Variants in LRP1B observed in about 807,000 individuals in gnomAD.
LRP1B encodes the protein LDL receptor related protein 1B.
Under a neutral mutation model 556.6 loss-of-function variants are expected in LRP1B, and 217 were observed. The ratio of observed to expected loss-of-function variants is 0.39; its 90% CI spans 0.35 to 0.44. The LOEUF (loss-of-function observed/expected upper bound fraction) is 0.44, where lower values mean the gene tolerates loss of function less well. LRP1B is among the 20% of genes least tolerant of loss of function. The pLI is 1.00. For missense variants in LRP1B, 5,053 were observed against 5,620.8 expected (o/e 0.90, Z 3.23); for synonymous variants, 2,047 against 1,865.8 (o/e 1.10, Z -2.50).
intron 41 of LRP1B, among the ~76,000 whole-genome samples, chr2:140,670,745 G>T (rs551378101): frequency 1.3e-5 from 2 of 152,154 alleles, no homozygotes; most frequent in Non-Finnish European, 2.9e-5. Context: ...CTAGAATAAT[G>T]TTGAAGAAAT....
At chr2:142,025,402 G>A (rs1207482263) in intron 1 of LRP1B, among the ~76,000 whole-genome samples, 7 of 152,148 alleles carry the variant, frequency 4.6e-5, no homozygotes, top group African/African-American at 1.7e-4. Context: ...TACTCAGTGA[G>A]GGAAGCACTT....
chr2:141,260,441 A>G (rs1414148014), intron 3 of LRP1B, among the ~76,000 whole-genome samples: 1 of 152,338 alleles, frequency 6.6e-6, no homozygotes, highest in Non-Finnish European at 1.5e-5. Flanking sequence ...ATGTAAATAA[A>G]TCATGCTGAC....
chr2:140,959,893 T>G (rs1695982483), intron 18 of LRP1B, among the ~76,000 whole-genome samples: 1 of 151,870 alleles, frequency 6.6e-6, no homozygotes, highest in East Asian at 1.9e-4. Context: ...ATTCATACAC[T>G]GCAATTATTC....
intron 7 of LRP1B, among the ~76,000 whole-genome samples, chr2:141,095,691 CTT>C (rs533037265): frequency 6.6e-6 from 1 of 152,022 alleles, no homozygotes; most frequent in Non-Finnish European, 1.5e-5. Context: ...TAAGAACTCT[CTT>C]TGACAGGTTT....
chr2:140,536,459 A>G (rs1690977235), intron 46 of LRP1B, 122 bp downstream of exon 46: 1 of 894,118 alleles, frequency 1.1e-6, no homozygotes, highest in East Asian at 2.8e-5. Context: ...TGCCTTAGAT[A>G]CAGGTTAATG....
rs5834770 is a variant in LRP1B at position 140,716,833 on chromosome 2, G to GA, written c.5759-18dup. The GA allele has an allele frequency of 0.59, 845,883 of 1,437,822 alleles. 253,604 individuals are homozygous for GA. The highest frequency in any genetic ancestry group is 0.63 in the Middle Eastern group (3,487 of 5,552). 89.1% of individuals were successfully genotyped at this position (1,437,822 alleles called of 1,614,324 possible). On this transcript the variant is annotated splice_polypyrimidine_tract_variant and intron_variant, in intron 35 of 90. Transcript: ENST00000389484. ...TATCATTTTCTATGGATAAGACACAGAAAAAAAATACATATACACACACTG... is the reference window on the plus strand; with the variant it reads ...TATCATTTTCTATGGATAAGACACAGAAAAAAAAATACATATACACACACTG...
At chr2:140,576,420 A>G (rs1206816485) in intron 43 of LRP1B, among the ~76,000 whole-genome samples, 1 of 152,228 alleles carries the variant, frequency 6.6e-6, no homozygotes, top group African/African-American at 2.4e-5. Flanking sequence ...TAAAAATGTT[A>G]TCAGAAAAAG....
chr2:141,905,519 T>C (rs1164461532), intron 1 of LRP1B, among the ~76,000 whole-genome samples: 5 of 151,578 alleles, frequency 3.3e-5, no homozygotes, highest in Admixed American at 2.6e-4. Context: ...AAGACAATTG[T>C]CTTAAATTGT....
chr2:140,915,661 T>G (rs1286174671), intron 21 of LRP1B, among the ~76,000 whole-genome samples: 3 of 9,336 alleles, frequency 3.2e-4, no homozygotes, highest in Non-Finnish European at 1.0e-3. Context: ...CAAAAATAAA[T>G]AAATAAATAA....
At chr2:141,477,049 G>A (rs951990381) in intron 3 of LRP1B, among the ~76,000 whole-genome samples, 4 of 151,930 alleles carry the variant, frequency 2.6e-5, no homozygotes, top group Admixed American at 2.6e-4. Flanking sequence ...CTTGAACCTG[G>A]GAGGCAGAGG....
intron 66 of LRP1B, among the ~76,000 whole-genome samples, chr2:140,397,625 TA>T: frequency 6.6e-6 from 1 of 152,164 alleles, no homozygotes; most frequent in East Asian, 1.9e-4. Context: ...TATACACAAA[TA>T]TTTTTCTAGG....
intron 66 of LRP1B, among the ~76,000 whole-genome samples, chr2:140,388,675 G>C (rs140181361): frequency 6.6e-6 from 1 of 152,072 alleles, no homozygotes; most frequent in African/African-American, 2.4e-5. Context: ...AAATACAAAC[G>C]ACATAGCATT....
At chr2:140,782,348 C>A (rs1260869687) in intron 32 of LRP1B, among the ~76,000 whole-genome samples, 1 of 152,088 alleles carries the variant, frequency 6.6e-6, no homozygotes, top group Non-Finnish European at 1.5e-5. Flanking sequence ...CTAAACGAGG[C>A]CCCATTAGGA....
Position 142,049,477 on chromosome 2 carries a change from T to C in LRP1B, c.82+81171A>G, listed in dbSNP as rs574752883. ...AGACAATGGCAATAAGAGTGTCAAA[T>C]ACTATATGAACTATATGGTATCAGA... On this transcript the variant is annotated intron_variant, in intron 1 of 90. Transcript: ENST00000389484. 6.6e-5 allele frequency among the ~76,000 whole-genome samples: 10 copies of C among 152,236 alleles called. No individual in the cohort carries two copies. In the East Asian group the frequency reaches 1.9e-3, roughly 29 times the overall value.
chr2:140,902,793 CATT>C, intron 23 of LRP1B, 124 bp downstream of exon 23: 1 of 961,452 alleles, frequency 1.0e-6, no homozygotes, highest in Non-Finnish European at 1.5e-6. Flanking sequence ...TAAAATAACA[CATT>C]ATAGTTAAAT....
chr2:142,055,983 T>C (rs1704653444), intron 1 of LRP1B, among the ~76,000 whole-genome samples: 1 of 152,038 alleles, frequency 6.6e-6, no homozygotes, highest in South Asian at 2.1e-4. Flanking sequence ...AAACCCTGTC[T>C]CTACTAAAAA....
intron 1 of LRP1B, among the ~76,000 whole-genome samples, chr2:141,929,744 C>T (rs549937836): frequency 1.8e-4 from 27 of 151,926 alleles, no homozygotes; most frequent in African/African-American, 6.3e-4. Context: ...TATGCAATTA[C>T]AGTGTCATCT....
intron 79 of LRP1B, among the ~76,000 whole-genome samples, chr2:140,326,463 C>T (rs907393059): frequency 2.6e-5 from 4 of 152,080 alleles, no homozygotes; most frequent in African/African-American, 4.8e-5. Context: ...TGGTGGCTCA[C>T]GCCTGTAATC....
intron 27 of LRP1B, among the ~76,000 whole-genome samples, chr2:140,853,219 C>T (rs900384141): frequency 6.6e-6 from 1 of 152,064 alleles, no homozygotes; most frequent in African/African-American, 2.4e-5. Context: ...CCTTCCTAAG[C>T]CCTGAGGAAA....
Sources: gnomAD v4.1 joint callset for allele counts (sites outside exome capture counted in the v4.1 genomes callset) on GRCh38, gnomAD v4.1.1 for gene constraint, MANE v1.5 for transcripts, NCBI Gene and HGNC (gene_info 2026-07-23, HGNC 2026-07-21) for gene names.